The following UTRN variants were observed in gnomAD, a reference collection of about 807,000 sequenced individuals.
The protein encoded by UTRN is dystrophin-related protein 1.
Under a neutral mutation model 463.9 loss-of-function variants are expected in UTRN, and 283 were observed. That is an observed-to-expected ratio of 0.61 (90% CI 0.55 to 0.67). UTRN has a LOEUF of 0.67. UTRN is among the 30% of genes least tolerant of loss of function. The pLI is 0.00. For synonymous variants in UTRN, 1,442 were observed against 1,431.5 expected (o/e 1.01, Z -0.17); for missense variants, 3,922 against 4,084.3 (o/e 0.96, Z 1.08).
At chr6:144,366,156 T>G (rs1327770241) in intron 2 of UTRN, among the ~76,000 whole-genome samples, 1 of 152,220 alleles carries the variant, frequency 6.6e-6, no homozygotes, top group Non-Finnish European at 1.5e-5. Flanking sequence ...AAAGTTGATG[T>G]GTTAAAGCAG....
chr6:144,508,257 TGCTGGTGTTC>T (rs1395488968), intron 34 of UTRN, among the ~76,000 whole-genome samples: 152 of 152,150 alleles, frequency 1.0e-3, no homozygotes, highest in African/African-American at 3.3e-3. Context: ...GGTTCTGTCT[TGCTGGTGTTC>T]CAGGCACCAC....
At chr6:144,556,990 A>T (rs1218982662) in intron 49 of UTRN, among the ~76,000 whole-genome samples, 167 bp from the exon 50 acceptor site, 1 of 152,162 alleles carries the variant, frequency 6.6e-6, no homozygotes, top group South Asian at 2.1e-4. Flanking sequence ...ACTTCTACTA[A>T]TTTTGGTTTA....
At chr6:144,290,199 A>C (rs761668226) in intron 1 of UTRN, among the ~76,000 whole-genome samples, 17 of 152,252 alleles carry the variant, frequency 1.1e-4, no homozygotes, top group Non-Finnish European at 2.2e-4. Context: ...AAAGAAATTT[A>C]ACATTGATAC....
rs767638232 is a variant in UTRN at position 144,458,766 on chromosome 6, A to T, written c.2285-4A>T. The T allele has an allele frequency of 1.9e-5, 30 of 1,583,666 alleles. No homozygotes were observed. The highest frequency in any genetic ancestry group is 2.2e-5 in the Non-Finnish European group (26 of 1,169,554). ...CTGTTTGCTTGTTTTTCATGTCTGC[A>T]TAGAAGGCCTTCCTACTGAAGAAAT... On this transcript the variant is annotated splice_region_variant and splice_polypyrimidine_tract_variant and intron_variant, in intron 19 of 74. Coordinates refer to ENST00000367545, the MANE Select transcript of UTRN (RefSeq NM_007124.3).
At chr6:144,792,940 A>G (rs1344948169) in intron 62 of UTRN, among the ~76,000 whole-genome samples, 1 of 152,160 alleles carries the variant, frequency 6.6e-6, no homozygotes, top group African/African-American at 2.4e-5. Context: ...TATAAAACAA[A>G]TCAGTTTTTT....
At chr6:144,517,066 C>T (rs1215658962) in intron 39 of UTRN, 118 bp downstream of exon 39, 1 of 893,966 alleles carries the variant, frequency 1.1e-6, no homozygotes, top group Admixed American at 3.6e-5. Flanking sequence ...ATCATCTCCT[C>T]CTTTCTAGTG....
At chr6:144,639,646 C>T (rs1161980454) in intron 51 of UTRN, among the ~76,000 whole-genome samples, 4 of 152,154 alleles carry the variant, frequency 2.6e-5, no homozygotes, top group Admixed American at 1.3e-4. Flanking sequence ...CCTTTCCACA[C>T]CCGATCAATC....
intron 10 of UTRN, 58 bp downstream of exon 10, chr6:144,436,196 A>C: frequency 6.6e-7 from 1 of 1,515,880 alleles, no homozygotes; most frequent in Admixed American, 1.7e-5. Context: ...AGCCTTAATC[A>C]GGGACTCTAC....
chr6:144,599,273 G>A (rs1340768172), intron 51 of UTRN, among the ~76,000 whole-genome samples: 1 of 152,044 alleles, frequency 6.6e-6, no homozygotes, highest in Non-Finnish European at 1.5e-5. Flanking sequence ...AAGAAAGTGA[G>A]GAAGAGTACT....
At chr6:144,445,039 C>T (rs1268741258) in intron 14 of UTRN, among the ~76,000 whole-genome samples, 1 of 152,118 alleles carries the variant, frequency 6.6e-6, no homozygotes, top group Non-Finnish European at 1.5e-5. Flanking sequence ...AAATGCCAAA[C>T]AGTTGTGGTT....
At chr6:144,288,976 C>T (rs1037803916) in intron 1 of UTRN, among the ~76,000 whole-genome samples, 1 of 152,066 alleles carries the variant, frequency 6.6e-6, no homozygotes, top group Non-Finnish European at 1.5e-5. Flanking sequence ...GTTGGCCAGG[C>T]TGGTCTCAAA....
chr6:144,839,038 T>C, intron 71 of UTRN, 135 bp from the exon 72 acceptor site: 2 of 606,870 alleles, frequency 3.3e-6, no homozygotes, highest in Non-Finnish European at 5.5e-6. Flanking sequence ...CTAAAATGTA[T>C]GGAAAACATC....
intron 2 of UTRN, among the ~76,000 whole-genome samples, chr6:144,331,867 A>T (rs1483904900): frequency 6.6e-6 from 1 of 152,226 alleles, no homozygotes; most frequent in Non-Finnish European, 1.5e-5. Flanking sequence ...GAAGGGAAGA[A>T]TTCCAGGCTG....
intron 30 of UTRN, among the ~76,000 whole-genome samples, chr6:144,489,529 C>T (rs949139584): frequency 6.6e-5 from 10 of 152,082 alleles, no homozygotes; most frequent in Non-Finnish European, 1.5e-5. Flanking sequence ...AAGTTGTGAA[C>T]ATTAGAAACG....
chr6:144,840,849 G>T lies in UTRN; in HGVS notation c.10270+17G>T. The T allele has an allele frequency of 6.2e-7, 1 of 1,613,502 alleles. No homozygotes were observed. Among genetic ancestry groups the T allele is most frequent in the South Asian group, 1.1e-5 (1 of 91,074 alleles). ...CTTGCTGCCGTGAGTATGAAAGATT[G>T]CAGCACCACAGCTGCACGTGTTCCT... On this transcript the variant is annotated intron_variant, in intron 73 of 74. Transcript: ENST00000367545.
At chr6:144,580,745 A>G (rs1448180346) in intron 51 of UTRN, among the ~76,000 whole-genome samples, 1 of 152,206 alleles carries the variant, frequency 6.6e-6, no homozygotes, top group East Asian at 1.9e-4. Flanking sequence ...TCCAGTGGCA[A>G]TGAAGAGAAG....
chr6:144,490,844 C>CCA, intron 31 of UTRN, 85 bp from the exon 32 acceptor site: 1 of 1,418,972 alleles, frequency 7.0e-7, no homozygotes, highest in Non-Finnish European at 9.3e-7. Context: ...CTTTATGGTA[C>CCA]AAATTTTTAG....
intron 3 of UTRN, among the ~76,000 whole-genome samples, chr6:144,407,569 A>G (rs1783526005): frequency 6.6e-6 from 1 of 152,236 alleles, no homozygotes; most frequent in Admixed American, 6.5e-5. Context: ...TTATTTACCC[A>G]ATACAATTCT....
At chr6:144,312,780 C>G (rs1244512205) in intron 2 of UTRN, among the ~76,000 whole-genome samples, 1 of 152,122 alleles carries the variant, frequency 6.6e-6, no homozygotes, top group East Asian at 1.9e-4. Context: ...CACAGTAGCT[C>G]TCCTCTCCCA....
Sources: gnomAD v4.1 joint callset for allele counts (sites outside exome capture counted in the v4.1 genomes callset) on GRCh38, gnomAD v4.1.1 for gene constraint, MANE v1.5 for transcripts, NCBI Gene and HGNC (gene_info 2026-07-23, HGNC 2026-07-21) for gene names.